The following MAGI2 variants were observed in gnomAD, a reference collection of about 807,000 sequenced individuals.
MAGI2 encodes the protein membrane-associated guanylate kinase, WW and PDZ domain-containing protein 2.
A neutral mutation model predicts 133.3 loss-of-function variants in MAGI2; 35 were observed. The observed-to-expected ratio is 0.26, with a 90% CI of 0.20 to 0.35. The LOEUF (loss-of-function observed/expected upper bound fraction) is 0.35. MAGI2 is among the 10% of genes least tolerant of loss of function. The pLI is 1.00. For synonymous variants in MAGI2, 729 were observed against 710.6 expected (o/e 1.03, Z -0.41); for missense variants, 1,636 against 1,863.4 (o/e 0.88, Z 2.25).
intron 2 of MAGI2, among the ~76,000 whole-genome samples, chr7:78,817,224 T>A (rs986857950): frequency 6.6e-6 from 1 of 152,188 alleles, no homozygotes. Flanking sequence ...AACTTGAGGA[T>A]GAGTAGTTGC....
chr7:78,369,313 A>G (rs1157876487), intron 6 of MAGI2, 100 bp from the exon 7 acceptor site: 1 of 764,854 alleles, frequency 1.3e-6, no homozygotes, highest in Admixed American at 2.5e-5. Flanking sequence ...ATGGTCTGCC[A>G]AAGTGGAACA....
chr7:78,075,334 T>C (rs1815161891), intron 21 of MAGI2, among the ~76,000 whole-genome samples: 1 of 152,102 alleles, frequency 6.6e-6, no homozygotes, highest in South Asian at 2.1e-4. Context: ...TCTTTTCCCT[T>C]GTGAGCCCAA....
At chr7:79,088,178 G>T (rs995143075) in intron 1 of MAGI2, among the ~76,000 whole-genome samples, 2 of 151,996 alleles carry the variant, frequency 1.3e-5, no homozygotes, top group African/African-American at 4.8e-5. Flanking sequence ...TTGAGCAATA[G>T]TTAGTAGTTC....
At chr7:78,313,636 A>C (rs1798912906) in intron 9 of MAGI2, among the ~76,000 whole-genome samples, 1 of 152,090 alleles carries the variant, frequency 6.6e-6, no homozygotes, top group African/African-American at 2.4e-5. Context: ...GTACAAAAAA[A>C]AAAGTCAAGA....
intron 2 of MAGI2, among the ~76,000 whole-genome samples, chr7:78,684,745 T>G (rs1816089426): frequency 6.6e-6 from 1 of 152,036 alleles, no homozygotes; most frequent in Non-Finnish European, 1.5e-5. Flanking sequence ...AAAAAGCATT[T>G]TTTTTCTCCC....
intron 4 of MAGI2, among the ~76,000 whole-genome samples, chr7:78,511,931 T>TAAAAA (rs369351062): frequency 0.025 from 3,664 of 145,530 alleles, 138 homozygotes; most frequent in African/African-American, 0.084. Context: ...TCGTCTCTAC[T>TAAAAA]AAAAAAAAAA....
At chr7:78,511,551 ATTT>A (rs760565213) in intron 4 of MAGI2, among the ~76,000 whole-genome samples, 14,888 of 127,390 alleles carry the variant, frequency 0.12, 695 homozygotes, top group Middle Eastern at 0.17. Context: ...ATATATATAA[ATTT>A]TTTTTTTTTT....
intron 2 of MAGI2, among the ~76,000 whole-genome samples, chr7:78,704,883 T>C (rs1818474728): frequency 6.7e-6 from 1 of 150,032 alleles, no homozygotes; most frequent in Admixed American, 6.7e-5. Context: ...GCCATTATTC[T>C]AAGTGAACAA....
intron 1 of MAGI2, among the ~76,000 whole-genome samples, chr7:79,033,152 T>C (rs1455355454): frequency 6.6e-6 from 1 of 152,192 alleles, no homozygotes; most frequent in African/African-American, 2.4e-5. Flanking sequence ...TTTGTTTCTG[T>C]ACTAGTGAAA....
chr7:78,874,064 A>G (rs1795236226), intron 2 of MAGI2, among the ~76,000 whole-genome samples: 1 of 152,230 alleles, frequency 6.6e-6, no homozygotes, highest in Admixed American at 6.5e-5. Context: ...GTTAATGAGA[A>G]TAACCATATA....
At chr7:78,138,353 A>G (rs185266980) in intron 16 of MAGI2, among the ~76,000 whole-genome samples, 1 of 152,280 alleles carries the variant, frequency 6.6e-6, no homozygotes, top group East Asian at 1.9e-4. Flanking sequence ...AGGAGGAGAG[A>G]GAAGAAAGAG....
intron 1 of MAGI2, among the ~76,000 whole-genome samples, chr7:79,399,581 C>G (rs936488067): frequency 1.1e-4 from 17 of 152,216 alleles, no homozygotes; most frequent in African/African-American, 3.6e-4. Context: ...GCTGTAGATA[C>G]AAGTGCAGTG....
chr7:78,539,267 T>C (rs894542474), intron 3 of MAGI2, among the ~76,000 whole-genome samples: 1 of 146,482 alleles, frequency 6.8e-6, no homozygotes. Flanking sequence ...TCTATTGAGA[T>C]GATTTTTGTC....
intron 1 of MAGI2, among the ~76,000 whole-genome samples, chr7:79,156,924 T>C (rs1038119764): frequency 5.9e-5 from 9 of 152,086 alleles, no homozygotes; most frequent in Non-Finnish European, 1.3e-4. Context: ...CAGGGGCCCA[T>C]TGAAGCCTAC....
chr7:78,306,707 A>T (rs1423647581), intron 9 of MAGI2, among the ~76,000 whole-genome samples: 1 of 152,148 alleles, frequency 6.6e-6, no homozygotes, highest in African/African-American at 2.4e-5. Context: ...AAGTTCTGGG[A>T]AAGTGGAGTG....
intron 2 of MAGI2, among the ~76,000 whole-genome samples, chr7:78,895,112 T>C (rs993418172): frequency 1.3e-5 from 2 of 151,960 alleles, no homozygotes; most frequent in African/African-American, 4.8e-5. Flanking sequence ...AATTAATGGG[T>C]TAATAGGTTA....
At chr7:78,297,655 AATG>A (rs1797401866) in intron 9 of MAGI2, among the ~76,000 whole-genome samples, 1 of 151,884 alleles carries the variant, frequency 6.6e-6, no homozygotes, top group African/African-American at 2.4e-5. Flanking sequence ...AGCCATAAAA[AATG>A]ATTAGTTCAT....
intron 2 of MAGI2, among the ~76,000 whole-genome samples, chr7:78,810,486 C>T (rs978259422): frequency 6.6e-6 from 1 of 152,116 alleles, no homozygotes; most frequent in Non-Finnish European, 1.5e-5. Context: ...TTAATATAAA[C>T]AGAGTCCTCA....
intron 1 of MAGI2, among the ~76,000 whole-genome samples, chr7:79,171,764 ATATATATTTT>A (rs1416897661): frequency 1.6e-4 from 4 of 24,794 alleles, no homozygotes; most frequent in African/African-American, 3.8e-4. Flanking sequence ...ATATATATAT[ATATATATTTT>A]TTTTTTTTTT....
Sources: gnomAD v4.1 joint callset for allele counts (sites outside exome capture counted in the v4.1 genomes callset) on GRCh38, gnomAD v4.1.1 for gene constraint, MANE v1.5 for transcripts, NCBI Gene and HGNC (gene_info 2026-07-23, HGNC 2026-07-21) for gene names.